Variants in PDE3B observed in about 807,000 individuals in gnomAD.
PDE3B encodes cGMP-inhibited 3',5'-cyclic phosphodiesterase 3B.
Under a neutral mutation model 116.8 loss-of-function variants are expected in PDE3B, and 66 were observed. The ratio of observed to expected loss-of-function variants is 0.56; its 90% CI spans 0.46 to 0.69. The LOEUF (loss-of-function observed/expected upper bound fraction) is 0.69. Among genes scored for constraint, PDE3B ranks in the 30% least tolerant of loss-of-function variants. The probability of loss-of-function intolerance (pLI) is 0.00; values close to 1 mark genes in which losing one functional copy is unlikely to be tolerated. For missense variants in PDE3B, 1,384 were observed against 1,368.1 expected, an observed-to-expected ratio of 1.01 and a Z score of -0.18; for synonymous variants, 595 against 533.6, an observed-to-expected ratio of 1.12 and a Z score of -1.59.
At chr11:14,812,195 A>C (rs1859160586) in intron 5 of PDE3B, among the ~76,000 whole-genome samples, 1 of 152,220 alleles carries the variant, frequency 6.6e-6, no homozygotes, top group South Asian at 2.1e-4. Context: ...ATAGTTGCAC[A>C]ACTCTGTGGA....
chr11:14,891,131 C>T, the PDE3B span: 14 of 985,366 alleles, frequency 1.4e-5, no homozygotes, highest in Non-Finnish European at 1.6e-5. Context: ...CTCCTGCCCC[C>T]TCCGGACGTC....
At chr11:14,864,380 A>G (rs1439628874) in intron 14 of PDE3B, among the ~76,000 whole-genome samples, 1 of 152,166 alleles carries the variant, frequency 6.6e-6, no homozygotes, top group Non-Finnish European at 1.5e-5. Flanking sequence ...CCCACTGTCA[A>G]TATTAGACAG....
rs1853325802 is a variant in PDE3B at position 14,644,650 on chromosome 11, C to G, written c.575C>G (p.Ala192Gly). Reference protein sequence around the residue: ...GSAAPHTPPEAAAGRLLLVLS... With the variant: ...GSAAPHTPPEGAAGRLLLVLS... ...GCGGCCCCGCACACGCCCCCGGAGG[C>G]GGCAGCGGGCAGGTTGCTGCTGGTG... is the stretch of plus-strand genomic sequence containing the variant. The change falls in exon 1 of 16, where the codon GCG becomes GGG. Residue 192 changes from alanine (A) to glycine (G), a missense_variant. Around this residue, in one of 2 missense-constraint regions of PDE3B, gnomAD observed 956 missense variants for 806.8 expected, o/e 1.18. Coordinates refer to ENST00000282096, the MANE Select transcript of PDE3B (RefSeq NM_000922.4). The G allele has an allele frequency of 6.7e-7, 1 of 1,500,230 alleles. No individual in the cohort carries two copies. The highest frequency in any genetic ancestry group is 1.4e-5 in the African/African-American group (1 of 71,658). 92.9% of individuals were successfully genotyped at this position (1,500,230 alleles called of 1,614,324 possible). A position where few individuals can be genotyped will look rare whatever the true frequency, so the allele number is the denominator to read the frequency against.
chr11:14,783,918 A>T (rs1183687950), intron 2 of PDE3B, among the ~76,000 whole-genome samples: 2 of 152,222 alleles, frequency 1.3e-5, no homozygotes, highest in Non-Finnish European at 2.9e-5. Flanking sequence ...GAACTGGGCC[A>T]CATAGCCGGA....
At chr11:14,891,296 T>C in the PDE3B span, 1 of 985,278 alleles carries the variant, frequency 1.0e-6, no homozygotes, top group African/African-American at 1.7e-5. Flanking sequence ...GCAGTGACAG[T>C]GGCACACAGA....
At chr11:14,857,883 A>G (rs1847878533) in intron 12 of PDE3B, among the ~76,000 whole-genome samples, 1 of 152,190 alleles carries the variant, frequency 6.6e-6, no homozygotes, top group African/African-American at 2.4e-5. Context: ...TTGAGCATGA[A>G]TTAGTCAAAT....
At chr11:14,715,312 T>G (rs1404906118) in intron 1 of PDE3B, among the ~76,000 whole-genome samples, 1 of 152,204 alleles carries the variant, frequency 6.6e-6, no homozygotes, top group Non-Finnish European at 1.5e-5. Flanking sequence ...CATTGGTAGC[T>G]TGATGGGGAT....
intron 1 of PDE3B, among the ~76,000 whole-genome samples, chr11:14,685,550 G>A (rs957150673): frequency 6.5e-4 from 96 of 148,094 alleles, no homozygotes; most frequent in African/African-American, 2.3e-3. Context: ...CCATCTCCTG[G>A]GTTCAAGTGC....
intron 1 of PDE3B, among the ~76,000 whole-genome samples, chr11:14,733,280 C>T (rs1284535391): frequency 2.6e-5 from 4 of 152,054 alleles, no homozygotes; most frequent in Non-Finnish European, 5.9e-5. Context: ...ATATCTCAGC[C>T]CCTAGGATGG....
intron 1 of PDE3B, among the ~76,000 whole-genome samples, chr11:14,680,207 C>T (rs906366547): frequency 6.6e-6 from 1 of 152,212 alleles, no homozygotes; most frequent in East Asian, 1.9e-4. Context: ...AGGCCTAGTA[C>T]TAAGCCCTCC....
rs182741643 is a variant in PDE3B, at chr11:14,662,158, G to A, written c.978+17105G>A. Among the ~76,000 whole-genome samples, 89 of 152,272 alleles carry A rather than the reference G, an allele frequency of 5.8e-4. 1 individual carries two copies. The highest frequency in any genetic ancestry group is 8.7e-4 in the Non-Finnish European group (59 of 68,034). Reference sequence around the variant, plus strand: ...CAACATTCACGGTTCACAAAAATCCGCTGTTCTGCAGCCACCGCTGCTGTT... The same window carrying A: ...CAACATTCACGGTTCACAAAAATCCACTGTTCTGCAGCCACCGCTGCTGTT... On this transcript the variant is annotated intron_variant, in intron 1 of 15. Transcript: ENST00000282096.
At chr11:14,715,476 G>A (rs567588081) in intron 1 of PDE3B, among the ~76,000 whole-genome samples, 53 of 152,070 alleles carry the variant, frequency 3.5e-4, no homozygotes, top group South Asian at 1.2e-3. Context: ...GGTCCTTCAC[G>A]TCCCTTGTAA....
At chr11:14,664,853 T>A (rs1166981752) in intron 1 of PDE3B, among the ~76,000 whole-genome samples, 4 of 152,206 alleles carry the variant, frequency 2.6e-5, no homozygotes, top group African/African-American at 7.2e-5. Flanking sequence ...GAGGAGCTGG[T>A]ACCATTCCTC....
At position 14,780,667 on chromosome 11, in the gene PDE3B, T is replaced by G. The variant is rs552671398; in HGVS notation, c.1030-5770T>G. ...AATCTCTGGGACACATTTAAAGTAG[T>G]GTGTAGAGGGAAATTTATAGCACTA... On this transcript the variant is annotated intron_variant, in intron 2 of 15. Coordinates refer to ENST00000282096, the MANE Select transcript of PDE3B (RefSeq NM_000922.4). Among the ~76,000 whole-genome samples, 3 of 151,850 alleles carry G rather than the reference T, an allele frequency of 2.0e-5. No homozygotes were observed. In the South Asian group the frequency reaches 6.3e-4, roughly 32 times the overall value.
chr11:14,862,949 A>G lies in PDE3B; in HGVS notation c.2886+1583A>G, dbSNP rs185246410. Among the ~76,000 whole-genome samples, 294 of 152,080 alleles carry G rather than the reference A, an allele frequency of 1.9e-3. 1 individual carries two copies. Among genetic ancestry groups the G allele is most frequent in the African/African-American group, 6.3e-3 (262 of 41,496 alleles). On this transcript the variant is annotated intron_variant, in intron 14 of 15. Coordinates refer to ENST00000282096, the MANE Select transcript of PDE3B (RefSeq NM_000922.4). ...TGTGCAGAAGGTGCAGTTTTGTTAT[A>G]TAGGTATACACGTGCCATGGTGGTT... is the stretch of plus-strand genomic sequence containing the variant.
the PDE3B span, chr11:14,885,844 A>G: frequency 1.2e-6 from 2 of 1,613,686 alleles, no homozygotes; most frequent in Non-Finnish European, 1.7e-6. Context: ...GCTTTGATGA[A>G]CAAGGCATTC....
At chr11:14,810,391 C>T (rs1859089562) in intron 5 of PDE3B, among the ~76,000 whole-genome samples, 1 of 145,756 alleles carries the variant, frequency 6.9e-6, no homozygotes, top group South Asian at 2.1e-4. Flanking sequence ...TTGTTCAATT[C>T]CCACCTACAA....
intron 7 of PDE3B, among the ~76,000 whole-genome samples, chr11:14,823,241 T>G (rs1433481214): frequency 6.6e-6 from 1 of 152,214 alleles, no homozygotes; most frequent in Non-Finnish European, 1.5e-5. Context: ...ACAGTAGCTC[T>G]ATGGGAAAGC....
intron 2 of PDE3B, among the ~76,000 whole-genome samples, chr11:14,781,230 A>G (rs1238388645): frequency 6.6e-6 from 1 of 152,222 alleles, no homozygotes; most frequent in African/African-American, 2.4e-5. Flanking sequence ...ATTCTACCAG[A>G]GGTACAAAGA....
Sources: allele counts gnomAD v4.1 joint callset (sites outside exome capture counted in the v4.1 genomes callset), GRCh38; gene constraint gnomAD v4.1.1; regional missense constraint gnomAD v4.1.1; transcripts MANE v1.5; gene names NCBI Gene and HGNC (gene_info 2026-07-23, HGNC 2026-07-21).